Variants in NUTM1 observed in about 807,000 individuals in gnomAD.
NUTM1 encodes the protein NUT midline carcinoma family member 1.
Under a neutral mutation model 88.7 loss-of-function variants are expected in NUTM1, and 39 were observed. The observed-to-expected ratio is 0.44, with a 90% confidence interval of 0.34 to 0.57. NUTM1 has a LOEUF of 0.57. NUTM1 is among the 20% of genes least tolerant of loss of function. The probability of loss-of-function intolerance (pLI) is 0.01; values close to 1 mark genes in which losing one functional copy is unlikely to be tolerated. For synonymous variants in NUTM1, 494 were observed against 538.0 expected (o/e 0.92, Z 1.13); for missense variants, 1,350 against 1,414.5 (o/e 0.95, Z 0.73).
Position 34,357,501 on chromosome 15 carries a change from G to T in NUTM1, c.*10G>T, listed in dbSNP as rs532880171. The T allele has an allele frequency of 1.2e-6, 2 of 1,612,482 alleles. No homozygotes were observed. The highest frequency in any genetic ancestry group is 2.7e-5 in the African/African-American group (2 of 74,980). ...ACGTCGTAGCCAGTAGGGAGCAGCGGGACCATCTGACCCCACTTGCCAGTC... is the reference window on the plus strand; with the variant it reads ...ACGTCGTAGCCAGTAGGGAGCAGCGTGACCATCTGACCCCACTTGCCAGTC... On this transcript the variant is annotated 3_prime_UTR_variant, in exon 8 of 8. Transcript: ENST00000537011.
intron 1 of NUTM1, among the ~76,000 whole-genome samples, chr15:34,345,690 G>C (rs888441606): frequency 7.9e-5 from 12 of 152,192 alleles, no homozygotes; most frequent in Non-Finnish European, 1.5e-5. Context: ...AATGTGTTGG[G>C]AATCTGAGAA....
In NUTM1 at chr15:34,356,674, C is replaced by T. The variant is rs1433328987; in HGVS notation, c.2666C>T (p.Thr889Ile). 1.9e-6 allele frequency: 3 copies of T among 1,613,810 alleles called. No homozygotes were observed. Among genetic ancestry groups the T allele is most frequent in the Non-Finnish European group, 2.5e-6 (3 of 1,179,954 alleles). ...LGSSKETLPP[T>I]CQGNLLIMGT... is the part of the protein sequence containing the mutation. ...TCTTCCAAAGAAACCCTTCCACCCA[C>T]ATGCCAAGGCAATCTCCTTATCATG... Residue 889 changes from threonine to isoleucine, a missense_variant, in exon 8 of 8, where the codon ACA (threonine) becomes ATA (isoleucine). Physicochemically the swap from Thr to Ile is moderately conservative, Grantham distance 89. Coordinates refer to ENST00000537011, the MANE Select transcript of NUTM1 (RefSeq NM_001284292.2).
Position 34,354,448 on chromosome 15 carries a change from T to A in NUTM1, c.1078T>A (p.Tyr360Asn). The change falls in exon 6 of 8, where the codon TAC (tyrosine) becomes AAC (asparagine). Residue 360 changes from tyrosine to asparagine, a missense_variant and splice_region_variant. Tyr to Asn is a moderately radical substitution (Grantham distance 143). Coordinates refer to ENST00000537011, the MANE Select transcript of NUTM1 (RefSeq NM_001284292.2). ...CTCCTGTCCATCTCTTCCCTTAGTGTACATTCCGAAGAAGGCAGCCTCCAA... is the reference window on the plus strand; with the variant it reads ...CTCCTGTCCATCTCTTCCCTTAGTGAACATTCCGAAGAAGGCAGCCTCCAA... Reference protein sequence around the residue: ...LASEVCQQPVYIPKKAASKTR... With the variant: ...LASEVCQQPVNIPKKAASKTR... The A allele has an allele frequency of 6.2e-7, 1 of 1,613,716 alleles. No individual in the cohort carries two copies. Among genetic ancestry groups the A allele is most frequent in the Non-Finnish European group, 8.5e-7 (1 of 1,179,924 alleles).
Position 34,356,637 on chromosome 15 carries a change from T to C in NUTM1, c.2629T>C (p.Ser877Pro), listed in dbSNP as rs1248529937. 6.2e-7 allele frequency: 1 copy of C among 1,613,790 alleles called. No homozygotes were observed. Among genetic ancestry groups the C allele is most frequent in the Non-Finnish European group, 8.5e-7 (1 of 1,179,954 alleles). The change falls in exon 8 of 8, where the codon TCC becomes CCC. Residue 877 changes from serine to proline, a missense_variant. Ser to Pro is a moderately conservative substitution (Grantham distance 74, BLOSUM62 -1). Transcript: ENST00000537011. ...GCFPLLESGD[S>P]TLGSSKETLP... ...CTTCCCATTGCTAGAAAGTGGTGAT[T>C]CCACACTGGGGTCTTCCAAAGAAAC...
At chr15:34,354,928 A>T in intron 6 of NUTM1, 93 bp from the exon 7 acceptor site, 1 of 1,064,746 alleles carries the variant, frequency 9.4e-7, no homozygotes, top group Non-Finnish European at 1.4e-6. Flanking sequence ...GTAAGAGGGG[A>T]GAGTTGGGGA....
Position 34,356,050 on chromosome 15 carries a change from A to G in NUTM1, c.2042A>G (p.Lys681Arg). 1.2e-6 allele frequency: 2 copies of G among 1,614,118 alleles called. No homozygotes were observed. The highest frequency in any genetic ancestry group is 1.7e-6 in the Non-Finnish European group (2 of 1,179,986). The change falls in exon 8 of 8, where the codon AAG becomes AGG. Residue 681 changes from lysine (K) to arginine (R), a missense_variant. Around this residue, in one of 5 missense-constraint regions of NUTM1, gnomAD observed 730 missense variants for 728.8 expected, o/e 1.00. Coordinates refer to ENST00000537011, the MANE Select transcript of NUTM1 (RefSeq NM_001284292.2). ...LAPLQGQGLE[K>R]QVLGLQKGQQ... ...CCTCTGCAAGGACAAGGGTTAGAAA[A>G]GCAAGTCCTGGGATTGCAGAAAGGA...
At position 34,357,454 on chromosome 15, in the gene NUTM1, T is replaced by C; in HGVS notation, c.3446T>C (p.Val1149Ala). The stretch of plus-strand genomic sequence containing the variant: ...CGTAAAAGGCGGTGTGACAGTTTTG[T>C]CACGGGCAGAAGGAAGAAACGACGT... ...QPRKRRCDSF[V>A]TGRRKKRRRS... Residue 1149 changes from valine (V) to alanine (A), a missense_variant, in exon 8 of 8, where the codon GTC (valine) becomes GCC (alanine). Val to Ala is a moderately conservative substitution (Grantham distance 64). This residue lies in a region of NUTM1 where 730 missense variants were observed against 728.8 expected (regional missense o/e 1.00). Coordinates refer to ENST00000537011, the MANE Select transcript of NUTM1 (RefSeq NM_001284292.2). The C allele has an allele frequency of 6.2e-7, 1 of 1,613,124 alleles. No individual in the cohort carries two copies. The highest frequency in any genetic ancestry group is 8.5e-7 in the Non-Finnish European group (1 of 1,179,634).
Position 34,357,592 on chromosome 15 carries a change from G to C in NUTM1, c.*101G>C, listed in dbSNP as rs774429324. 2.5e-6 allele frequency: 4 copies of C among 1,598,620 alleles called. No individual in the cohort carries two copies. The East Asian group carries it at 8.9e-5, about 36-fold the overall frequency. On this transcript the variant is annotated 3_prime_UTR_variant, in exon 8 of 8. Transcript: ENST00000537011. ...CCCACCAATGGAGAATCCCAATGTT[G>C]AATCTCATCCCAATGTTGTTTTGTT...
rs530393839 is a variant in NUTM1 at position 34,347,677 on chromosome 15, C to T, written c.101-292C>T. ...GACCAACCTGGCTAACACGGTGAAACCCCGTCTCTATTAAAAATACAAAAA... is the reference window on the plus strand; with the variant it reads ...GACCAACCTGGCTAACACGGTGAAATCCCGTCTCTATTAAAAATACAAAAA... On this transcript the variant is annotated intron_variant, in intron 2 of 7. Transcript: ENST00000537011. 2.4e-4 allele frequency among the ~76,000 whole-genome samples: 36 copies of T among 152,126 alleles called. 1 individual carries two copies. The South Asian group carries it at 7.5e-3, about 32-fold the overall frequency.
In NUTM1 at chr15:34,354,000, A is replaced by G. The variant is rs911826554; in HGVS notation, c.1075+128A>G. Reference sequence around the variant, plus strand: ...CTTTCCCTCTGGAGAGTGGCATTTGATATTCCAAACAGACCACCCCATAGG... The same window carrying G: ...CTTTCCCTCTGGAGAGTGGCATTTGGTATTCCAAACAGACCACCCCATAGG... On this transcript the variant is annotated intron_variant, in intron 5 of 7. Coordinates refer to ENST00000537011, the MANE Select transcript of NUTM1 (RefSeq NM_001284292.2). The G allele has an allele frequency of 3.7e-6, 4 of 1,087,886 alleles. No homozygotes were observed. The African/African-American group carries it at 6.3e-5, about 17-fold the overall frequency. The allele number at this position is 1,087,886 out of a possible 1,614,324, so 67.4% of individuals were successfully genotyped here.
intron 3 of NUTM1, 118 bp downstream of exon 3, chr15:34,348,795 G>A (rs574570526): frequency 1.5e-6 from 1 of 652,588 alleles, no homozygotes; most frequent in Non-Finnish European, 2.6e-6. Flanking sequence ...GAGGGCAAGG[G>A]AGATGCTCTG....
chr15:34,351,461 T>G (rs1212076460), intron 4 of NUTM1, among the ~76,000 whole-genome samples: 2 of 151,358 alleles, frequency 1.3e-5, no homozygotes, highest in Non-Finnish European at 2.9e-5. Flanking sequence ...CCTGGATCCT[T>G]GCTTCTTCTT....
chr15:34,356,595 C>G lies in NUTM1; in HGVS notation c.2587C>G (p.Leu863Val). 1 of 1,614,022 alleles carries G rather than the reference C, an allele frequency of 6.2e-7. No individual in the cohort carries two copies. The highest frequency in any genetic ancestry group is 1.3e-5 in the African/African-American group (1 of 74,966). ...SCETVGHPSD[L>V]WAEGCFPLLE... ...TGAAACCGTAGGGCATCCCAGTGAT[C>G]TGTGGGCAGAAGGTTGCTTCCCATT... Residue 863 changes from leucine to valine, a missense_variant, in exon 8 of 8, where the codon CTG becomes GTG. Physicochemically the swap from Leu to Val is conservative, Grantham distance 32. Coordinates refer to ENST00000537011, the MANE Select transcript of NUTM1 (RefSeq NM_001284292.2).
rs1233518940 is a variant in NUTM1 at position 34,356,472 on chromosome 15, G to A, written c.2464G>A (p.Ala822Thr). 6.2e-7 allele frequency: 1 copy of A among 1,613,084 alleles called. No homozygotes were observed. Among genetic ancestry groups the A allele is most frequent in the African/African-American group, 1.3e-5 (1 of 74,884 alleles). The stretch of plus-strand genomic sequence containing the variant: ...GATTCCCTGTGGAGGCACAGTTGCG[G>A]CAGCTGCCCTAGAAAAGAGAAACTA... ...SVIPCGGTVA[A>T]AALEKRNYCS... Residue 822 changes from alanine (A) to threonine (T), a missense_variant, in exon 8 of 8, where the codon GCA (alanine) becomes ACA (threonine). Physicochemically the swap from Ala to Thr is moderately conservative, Grantham distance 58. Transcript: ENST00000537011.
At position 34,355,638 on chromosome 15, in the gene NUTM1, G is replaced by C. The variant is rs775459257; in HGVS notation, c.1630G>C (p.Gly544Arg). Residue 544 changes from glycine (G) to arginine (R), a missense_variant, in exon 8 of 8, where the codon GGG (glycine) becomes CGG (arginine). Physicochemically the swap from Gly to Arg is moderately radical, Grantham distance 125. Transcript: ENST00000537011. The surrounding 1 kb of genome is among the most constrained non-coding windows in gnomAD (Gnocchi z 4.3). ...GCTTCGGCCCTCACCTGGGCTTCAGGGGGCTGGGGGCGCCGCTTGCCTTGG... is the reference window on the plus strand; with the variant it reads ...GCTTCGGCCCTCACCTGGGCTTCAGCGGGCTGGGGGCGCCGCTTGCCTTGG... ...GRLRPSPGLQ[G>R]AGGAACLGKV... The C allele has an allele frequency of 9.7e-5, 156 of 1,610,278 alleles. No homozygotes were observed. The Admixed American group carries it at 2.5e-3, about 26-fold the overall frequency.
At position 34,357,038 on chromosome 15, in the gene NUTM1, C is replaced by T. The variant is rs779518856; in HGVS notation, c.3030C>T (p.Ala1010=). Residue 1010 remains alanine (A), a synonymous_variant, in exon 8 of 8, where the codon GCC becomes GCT. Transcript: ENST00000537011. ...STLPRRGTRN[A]IVPRETSVSK... is the part of the protein sequence containing the mutation. ...TGCCTAGAAGGGGAACCAGGAATGC[C>T]ATAGTTCCGAGAGAAACTTCTGTTA... 1.2e-6 allele frequency: 2 copies of T among 1,613,860 alleles called. No individual in the cohort carries two copies. Among genetic ancestry groups the T allele is most frequent in the East Asian group, 2.2e-5 (1 of 44,888 alleles).
rs780737729 is a variant in NUTM1 at position 34,354,449 on chromosome 15, A to G, written c.1079A>G (p.Tyr360Cys). The stretch of plus-strand genomic sequence containing the variant: ...TCCTGTCCATCTCTTCCCTTAGTGT[A>G]CATTCCGAAGAAGGCAGCCTCCAAG... ...LASEVCQQPV[Y>C]IPKKAASKTR... Residue 360 changes from tyrosine to cysteine, a missense_variant, in exon 6 of 8, where the codon TAC (tyrosine) becomes TGC (cysteine). Physicochemically the swap from Tyr to Cys is radical, Grantham distance 194. Coordinates refer to ENST00000537011, the MANE Select transcript of NUTM1 (RefSeq NM_001284292.2). 1 of 1,613,552 alleles carries G rather than the reference A, an allele frequency of 6.2e-7. No individual in the cohort carries two copies.
chr15:34,356,558 A>G lies in NUTM1; in HGVS notation c.2550A>G (p.Gln850=), dbSNP rs1890815991. 1 of 1,613,928 alleles carries G rather than the reference A, an allele frequency of 6.2e-7. No individual in the cohort carries two copies. Among genetic ancestry groups the G allele is most frequent in the African/African-American group, 1.3e-5 (1 of 74,886 alleles). The change falls in exon 8 of 8, where the codon CAA becomes CAG. Residue 850 remains glutamine, a synonymous_variant. Coordinates refer to ENST00000537011, the MANE Select transcript of NUTM1 (RefSeq NM_001284292.2). ...CACCCTTGAGGTCCAAAGAAAATCAAGAACAGAGCTGTGAAACCGTAGGGC... is the reference window on the plus strand; with the variant it reads ...CACCCTTGAGGTCCAAAGAAAATCAGGAACAGAGCTGTGAAACCGTAGGGC... ...NSPPLRSKEN[Q]EQSCETVGHP...
At position 34,354,506 on chromosome 15, in the gene NUTM1, C is replaced by G; in HGVS notation, c.1136C>G (p.Ala379Gly). Residue 379 changes from alanine (A) to glycine (G), a missense_variant, in exon 6 of 8, where the codon GCC becomes GGC. Coordinates refer to ENST00000537011, the MANE Select transcript of NUTM1 (RefSeq NM_001284292.2). ...GCCCCCCGCCGGCGTCAGCGTAAAGCCCAGAGACCTCCTGCTCCTGAGGCA... is the reference window on the plus strand; with the variant it reads ...GCCCCCCGCCGGCGTCAGCGTAAAGGCCAGAGACCTCCTGCTCCTGAGGCA... ...TRAPRRRQRK[A>G]QRPPAPEAPK... is the part of the protein sequence containing the mutation. The G allele has an allele frequency of 6.2e-7, 1 of 1,614,168 alleles. No homozygotes were observed. Among genetic ancestry groups the G allele is most frequent in the African/African-American group, 1.3e-5 (1 of 75,046 alleles).
Sources: allele counts gnomAD v4.1 joint callset (sites outside exome capture counted in the v4.1 genomes callset), GRCh38; gene constraint gnomAD v4.1.1; regional missense constraint gnomAD v4.1.1; non-coding constraint Gnocchi (gnomAD v3.1); transcripts MANE v1.5; gene names NCBI Gene and HGNC (gene_info 2026-07-23, HGNC 2026-07-21).